PALLD: variants seen among roughly 807,000 people sequenced by gnomAD.
The protein encoded by PALLD is palladin, cytoskeletal associated protein, also known as palladin.
A neutral mutation model predicts 123.5 loss-of-function variants in PALLD; 61 were observed. That is an observed-to-expected ratio of 0.49 (90% CI 0.40 to 0.61). PALLD has a LOEUF of 0.61. Among genes scored for constraint, PALLD ranks in the 20% least tolerant of loss-of-function variants. PALLD has a pLI of 0.00. For missense variants in PALLD, 1,273 were observed against 1,377.0 expected, an observed-to-expected ratio of 0.92 and a Z score of 1.20; for synonymous variants, 465 against 496.4, an observed-to-expected ratio of 0.94 and a Z score of 0.84.
At chr4:168,778,579 T>G (rs1041524176) in intron 10 of PALLD, among the ~76,000 whole-genome samples, 5 of 152,190 alleles carry the variant, frequency 3.3e-5, no homozygotes, top group Non-Finnish European at 5.9e-5. Flanking sequence ...GTCTAGCACA[T>G]AGTAGATACT....
At chr4:168,727,952 T>G (rs1235438589) in intron 10 of PALLD, among the ~76,000 whole-genome samples, 5 of 152,216 alleles carry the variant, frequency 3.3e-5, no homozygotes, top group African/African-American at 4.8e-5. Context: ...CCAGCACCAT[T>G]TATTGAATAG....
rs565738868 is a variant in PALLD, at chr4:168,857,722, A to G, written c.1965-33200A>G. ...AGTGTGTTTCAGGGAGCAGTGGCAG[A>G]TCTGCCTTAGATTTTTAACCACTGC... On this transcript the variant is annotated intron_variant, in intron 10 of 21. Transcript: ENST00000505667. Among the ~76,000 whole-genome samples the G allele has an allele frequency of 2.6e-4, 40 of 152,368 alleles. No homozygotes were observed. In the South Asian group the frequency reaches 7.7e-3, roughly 29 times the overall value.
At chr4:168,505,875 G>A (rs1031064137) in intron 1 of PALLD, among the ~76,000 whole-genome samples, 4 of 152,150 alleles carry the variant, frequency 2.6e-5, no homozygotes, top group African/African-American at 4.8e-5. Flanking sequence ...ATTTTTTCCT[G>A]TAAAAGTGCA....
rs761070761 is a variant in PALLD, at chr4:168,511,621, AAAC to A, written c.120_122del (p.Asn40del). On this transcript the variant is annotated inframe_deletion, in exon 2 of 22. Transcript: ENST00000505667. Reference sequence around the variant, plus strand: ...CTGCTTTCCTCAGCCAGGAAGAGATAAACAAGAGTCTTGACCTGGCCCGGAGAG... The same window carrying A: ...CTGCTTTCCTCAGCCAGGAAGAGATAAAGAGTCTTGACCTGGCCCGGAGAG... 1 of 1,614,150 alleles carries A rather than the reference AAAC, an allele frequency of 6.2e-7. No individual in the cohort carries two copies. Among genetic ancestry groups the A allele is most frequent in the South Asian group, 1.1e-5 (1 of 91,082 alleles).
At chr4:168,773,923 A>C (rs1734795521) in intron 10 of PALLD, among the ~76,000 whole-genome samples, 2 of 152,008 alleles carry the variant, frequency 1.3e-5, no homozygotes, top group Non-Finnish European at 2.9e-5. Context: ...AGTCTATTTA[A>C]CTTCATTTTC....
intron 2 of PALLD, among the ~76,000 whole-genome samples, chr4:168,514,819 AG>A: frequency 6.6e-6 from 1 of 152,248 alleles, no homozygotes. Context: ...TTAGCATTGA[AG>A]GATTAATTCA....
chr4:168,586,930 A>G (rs9993632), intron 2 of PALLD, among the ~76,000 whole-genome samples: 53,620 of 151,926 alleles, frequency 0.35, 10,247 homozygotes, highest in African/African-American at 0.52. Context: ...GCGATAAGAG[A>G]GTGAGTAAAA....
In PALLD at chr4:168,855,311, G is replaced by A. The variant is rs185958757; in HGVS notation, c.1965-35611G>A. ...TCACCATGTTGACCAGGATGGTCTCGATCTCTTGACCTCGTGATCCACCCG... is the reference window on the plus strand; with the variant it reads ...TCACCATGTTGACCAGGATGGTCTCAATCTCTTGACCTCGTGATCCACCCG... On this transcript the variant is annotated intron_variant, in intron 10 of 21. Coordinates refer to ENST00000505667, the MANE Select transcript of PALLD (RefSeq NM_001166108.2). Among the ~76,000 whole-genome samples, 159 of 152,148 alleles carry A rather than the reference G, an allele frequency of 1.0e-3. No individual in the cohort carries two copies. The Middle Eastern group carries it at 0.017, about 16-fold the overall frequency.
intron 10 of PALLD, among the ~76,000 whole-genome samples, chr4:168,768,462 A>G (rs1316932532): frequency 6.6e-6 from 1 of 150,564 alleles, no homozygotes; most frequent in Non-Finnish European, 1.5e-5. Context: ...GGAAGAAACA[A>G]AGATATGTTC....
At chr4:168,812,515 C>A (rs1462824896) in intron 10 of PALLD, among the ~76,000 whole-genome samples, 2 of 152,296 alleles carry the variant, frequency 1.3e-5, no homozygotes, top group South Asian at 4.1e-4. Context: ...AGCAAAGAAG[C>A]CTCCAGGATG....
chr4:168,887,116 CAA>C (rs755173931), intron 10 of PALLD, among the ~76,000 whole-genome samples: 4 of 94,548 alleles, frequency 4.2e-5, no homozygotes, highest in Non-Finnish European at 4.1e-5. Flanking sequence ...GACTCTGTCT[CAA>C]AAAAAAAAAA....
At chr4:168,922,120 C>T (rs1215274531) in intron 18 of PALLD, among the ~76,000 whole-genome samples, 3 of 149,454 alleles carry the variant, frequency 2.0e-5, no homozygotes, top group South Asian at 2.1e-4. Flanking sequence ...CACACACACA[C>T]ACACACACAC....
intron 3 of PALLD, among the ~76,000 whole-genome samples, chr4:168,676,895 G>T (rs1422217991): frequency 6.6e-6 from 1 of 152,096 alleles, no homozygotes; most frequent in Admixed American, 6.5e-5. Flanking sequence ...TTTTTAAAAT[G>T]AAAAGGGAGC....
chr4:168,688,610 T>C (rs905636690), intron 6 of PALLD, among the ~76,000 whole-genome samples: 1 of 152,232 alleles, frequency 6.6e-6, no homozygotes, highest in Non-Finnish European at 1.5e-5. Flanking sequence ...CCTTGTTATG[T>C]TCCCGAAGGT....
At chr4:168,860,047 T>G (rs1749217597) in intron 10 of PALLD, among the ~76,000 whole-genome samples, 1 of 152,222 alleles carries the variant, frequency 6.6e-6, no homozygotes, top group Non-Finnish European at 1.5e-5. Flanking sequence ...TAGCTACATG[T>G]GGCTAATGGC....
rs971489378 is a variant in PALLD at position 168,926,995 on chromosome 4, C to A, written c.*815C>A. The A allele has an allele frequency of 4.1e-5, 9 of 219,166 alleles. No individual in the cohort carries two copies. Among genetic ancestry groups the A allele is most frequent in the African/African-American group, 2.0e-4 (9 of 44,674 alleles). 13.6% of individuals were successfully genotyped at this position (219,166 alleles called of 1,614,324 possible). On this transcript the variant is annotated 3_prime_UTR_variant, in exon 22 of 22. Coordinates refer to ENST00000505667, the MANE Select transcript of PALLD (RefSeq NM_001166108.2). ...TTCTAACAAGGTTAATACCTTAGTT[C>A]TTAACATTTTTTTTCTTTATGTGTA...
chr4:168,779,985 A>G (rs1735674165), intron 10 of PALLD, among the ~76,000 whole-genome samples: 1 of 149,722 alleles, frequency 6.7e-6, no homozygotes, highest in East Asian at 2.0e-4. Context: ...TGCAACCTCC[A>G]CCACCGGGGT....
intron 10 of PALLD, among the ~76,000 whole-genome samples, chr4:168,860,425 A>C (rs1367141117): frequency 6.6e-6 from 1 of 152,230 alleles, no homozygotes; most frequent in Non-Finnish European, 1.5e-5. Context: ...AGTAAATAAA[A>C]CAAGATAGTA....
In PALLD at chr4:168,504,020, G is replaced by T. The variant is rs565586719; in HGVS notation, c.-83+6826G>T. Among the ~76,000 whole-genome samples, 4 of 152,082 alleles carry T rather than the reference G, an allele frequency of 2.6e-5. No homozygotes were observed. In the East Asian group the frequency reaches 7.7e-4, roughly 29 times the overall value. The stretch of plus-strand genomic sequence containing the variant: ...AAACTATTTTAATAGAAATTATCAC[G>T]CTCCTCCTTGTAACTGAGTTATTTT... On this transcript the variant is annotated intron_variant, in intron 1 of 21. Transcript: ENST00000505667.
Sources: allele counts gnomAD v4.1 joint callset (sites outside exome capture counted in the v4.1 genomes callset), GRCh38; gene constraint gnomAD v4.1.1; transcripts MANE v1.5; gene names NCBI Gene and HGNC (gene_info 2026-07-23, HGNC 2026-07-21).